LPAR6: variants seen among roughly 807,000 people sequenced by gnomAD.
LPAR6 encodes lysophosphatidic acid receptor 6.
Under a neutral mutation model 22.0 loss-of-function variants are expected in LPAR6, and 17 were observed. The observed-to-expected ratio is 0.77, with a 90% CI of 0.53 to 1.16. The LOEUF (loss-of-function observed/expected upper bound fraction) is 1.16. LPAR6 is among the 50% of genes most tolerant of loss of function. The probability of loss-of-function intolerance (pLI) is 0.00; values close to 1 mark genes in which losing one functional copy is unlikely to be tolerated. For missense variants in LPAR6, 384 were observed against 406.9 expected, an observed-to-expected ratio of 0.94 and a Z score of 0.48; for synonymous variants, 136 against 139.8, an observed-to-expected ratio of 0.97 and a Z score of 0.19.
chr13:48,436,073 A>G (rs1949180511), intron 1 of LPAR6, among the ~76,000 whole-genome samples: 1 of 152,204 alleles, frequency 6.6e-6, no homozygotes, highest in African/African-American at 2.4e-5. Context: ...TAGGTCCTGG[A>G]TGGAACTGAG....
intron 1 of LPAR6, among the ~76,000 whole-genome samples, chr13:48,402,525 G>A (rs1948702116): frequency 6.6e-6 from 1 of 151,830 alleles, no homozygotes; most frequent in Non-Finnish European, 1.5e-5. Context: ...CTACAGGTGT[G>A]AGCCAACACA....
At chr13:48,403,279 G>C (rs112381466) in intron 1 of LPAR6, among the ~76,000 whole-genome samples, 3 of 152,092 alleles carry the variant, frequency 2.0e-5, no homozygotes, top group African/African-American at 7.2e-5. Flanking sequence ...TCAGTGTATC[G>C]GAAGAGCAGA....
At chr13:48,400,205 G>A (rs940346078) in intron 1 of LPAR6, among the ~76,000 whole-genome samples, 3 of 152,088 alleles carry the variant, frequency 2.0e-5, no homozygotes, top group African/African-American at 7.2e-5. Context: ...TTTCAGTGTA[G>A]AAGTAATAAT....
upstream of LPAR6, chr13:48,429,648 T>C (rs890582701): frequency 1.3e-5 from 2 of 152,154 alleles, no homozygotes; most frequent in Admixed American, 1.3e-4. Context: ...AATACACTTT[T>C]TGTGTTTTTA....
At chr13:48,436,063 T>G (rs1949180333) in intron 1 of LPAR6, among the ~76,000 whole-genome samples, 1 of 152,202 alleles carries the variant, frequency 6.6e-6, no homozygotes, top group Non-Finnish European at 1.5e-5. Flanking sequence ...ATGAAAAGAT[T>G]AGGTCCTGGA....
chr13:48,423,726 A>G (rs1257653312), intron 1 of LPAR6, among the ~76,000 whole-genome samples: 2 of 152,222 alleles, frequency 1.3e-5, no homozygotes, highest in African/African-American at 4.8e-5. Context: ...GAGACTTAAA[A>G]CAGAAATAAA....
upstream of LPAR6, among the ~76,000 whole-genome samples, chr13:48,416,028 G>A (rs1416854487): frequency 6.6e-6 from 1 of 152,130 alleles, no homozygotes; most frequent in African/African-American, 2.4e-5. Flanking sequence ...CAGGCAAACT[G>A]TTATTTTAAT....
downstream of LPAR6, chr13:48,406,690 C>G (rs1401982983): frequency 6.6e-6 from 1 of 152,212 alleles, no homozygotes; most frequent in Non-Finnish European, 1.5e-5. Flanking sequence ...TATCCAAATT[C>G]TCTCCCACAG....
At chr13:48,413,277 G>A (rs1948849894), upstream of LPAR6, among the ~76,000 whole-genome samples, 1 of 152,208 alleles carries the variant, frequency 6.6e-6, no homozygotes, top group South Asian at 2.1e-4. Context: ...GTCACTGGCT[G>A]TTGAACTGCG....
At chr13:48,409,417 T>C (rs1948770031), downstream of LPAR6, among the ~76,000 whole-genome samples, 1 of 152,008 alleles carries the variant, frequency 6.6e-6, no homozygotes, top group African/African-American at 2.4e-5. Context: ...AAAATCAAAT[T>C]TATGTCTTAA....
At position 48,401,725 on chromosome 13, in the gene LPAR6, A is replaced by G. The variant is rs534373424; in HGVS notation, n.115-11913T>C. On this transcript the variant is annotated intron_variant and non_coding_transcript_variant, in intron 1 of 1. Transcript: ENST00000462781. ...TTTTTGGTGTCTTCCTGTAAGTGCT[A>G]GATTTAGAACATGATAAGGAAACGT... Among the ~76,000 whole-genome samples, 11 of 152,318 alleles carry G rather than the reference A, an allele frequency of 7.2e-5. No individual in the cohort carries two copies. In the South Asian group the frequency reaches 2.3e-3, roughly 32 times the overall value.
downstream of LPAR6, among the ~76,000 whole-genome samples, chr13:48,406,201 A>ATGTGTG (rs146588176): frequency 6.6e-6 from 1 of 151,860 alleles, no homozygotes; most frequent in African/African-American, 2.4e-5. Flanking sequence ...CAAAGGGTTA[A>ATGTGTG]TGTGTGTGTG....
intron 1 of LPAR6, among the ~76,000 whole-genome samples, chr13:48,441,313 G>T (rs1379576411): frequency 6.6e-6 from 1 of 152,120 alleles, no homozygotes; most frequent in Admixed American, 6.5e-5. Context: ...ACTAAATTGT[G>T]CCTGAAGACC....
chr13:48,415,301 T>C (rs1322981750), upstream of LPAR6, among the ~76,000 whole-genome samples: 1 of 151,864 alleles, frequency 6.6e-6, no homozygotes, highest in Non-Finnish European at 1.5e-5. Context: ...TTCTTTCTTT[T>C]TTTTTTCTCA....
chr13:48,427,135 A>T (rs200192780), upstream of LPAR6, among the ~76,000 whole-genome samples: 1 of 150,802 alleles, frequency 6.6e-6, no homozygotes, highest in South Asian at 2.1e-4. Context: ...ACCAAACCTC[A>T]CCTCCAGCAT....
chr13:48,390,804 C>T (rs1948605353), intron 1 of LPAR6, among the ~76,000 whole-genome samples: 2 of 152,156 alleles, frequency 1.3e-5, no homozygotes, highest in South Asian at 4.1e-4. Flanking sequence ...TTAATATCAA[C>T]ATGGCATATT....
At chr13:48,438,962 A>C (rs1949210179) in intron 1 of LPAR6, among the ~76,000 whole-genome samples, 1 of 152,300 alleles carries the variant, frequency 6.6e-6, no homozygotes, top group East Asian at 1.9e-4. Flanking sequence ...AGATGAATGG[A>C]TCAGTGAATG....
intron 1 of LPAR6, among the ~76,000 whole-genome samples, chr13:48,399,884 A>T (rs995006192): frequency 5.9e-5 from 9 of 152,032 alleles, no homozygotes; most frequent in African/African-American, 1.9e-4. Context: ...CTGACATATG[A>T]AAAAATGCCA....
At chr13:48,443,469 T>C (rs922076021) in intron 1 of LPAR6, among the ~76,000 whole-genome samples, 2 of 152,204 alleles carry the variant, frequency 1.3e-5, no homozygotes, top group African/African-American at 4.8e-5. Flanking sequence ...CACAGTTTAC[T>C]AAAATAGCTA....
Sources: allele counts gnomAD v4.1 joint callset (sites outside exome capture counted in the v4.1 genomes callset), GRCh38; gene constraint gnomAD v4.1.1; transcripts MANE v1.5; gene names NCBI Gene and HGNC (gene_info 2026-07-23, HGNC 2026-07-21).